FHOD3: variants seen among roughly 807,000 people sequenced by gnomAD.
The protein encoded by FHOD3 is FH1/FH2 domain-containing protein 3.
Under a neutral mutation model 173.0 loss-of-function variants are expected in FHOD3, and 90 were observed. The observed-to-expected ratio is 0.52, with a 90% CI of 0.44 to 0.62. FHOD3 has a LOEUF of 0.62. Among genes scored for constraint, FHOD3 ranks in the 20% least tolerant of loss-of-function variants. The pLI is 0.00. For synonymous variants in FHOD3, 828 were observed against 823.0 expected (o/e 1.01, Z -0.10); for missense variants, 1,945 against 2,034.7 (o/e 0.96, Z 0.85).
intron 6 of FHOD3, among the ~76,000 whole-genome samples, chr18:36,581,923 G>T (rs543463678): frequency 6.6e-6 from 1 of 152,326 alleles, no homozygotes; most frequent in African/African-American, 2.4e-5. Flanking sequence ...TATCACAGCT[G>T]TGAGGTGAGA....
At position 36,454,661 on chromosome 18, in the gene FHOD3, A is replaced by G. The variant is rs545792968; in HGVS notation, c.338-47271A>G. 1.3e-4 allele frequency among the ~76,000 whole-genome samples: 19 copies of G among 146,072 alleles called. 1 individual carries two copies. The South Asian group carries it at 4.2e-3, about 32-fold the overall frequency. On this transcript the variant is annotated intron_variant, in intron 3 of 28. Transcript: ENST00000590592. Reference sequence around the variant, plus strand: ...ATTCACTAGAAATTCTGTCCGTTCCATTTTTTTTTTTCTCATAGACGTTTA... The same window carrying G: ...ATTCACTAGAAATTCTGTCCGTTCCGTTTTTTTTTTTCTCATAGACGTTTA...
At chr18:36,621,980 T>C (rs2033746634) in intron 9 of FHOD3, among the ~76,000 whole-genome samples, 1 of 152,222 alleles carries the variant, frequency 6.6e-6, no homozygotes, top group Non-Finnish European at 1.5e-5. Flanking sequence ...ACATATGGTA[T>C]ATACAGGCAA....
At chr18:36,605,404 C>T (rs898126106) in intron 8 of FHOD3, among the ~76,000 whole-genome samples, 17 of 152,208 alleles carry the variant, frequency 1.1e-4, no homozygotes, top group African/African-American at 4.1e-4. Context: ...GTTTGGCATT[C>T]TGTGGCATTT....
intron 8 of FHOD3, among the ~76,000 whole-genome samples, chr18:36,610,777 C>T (rs2032594053): frequency 1.3e-5 from 2 of 152,180 alleles, no homozygotes; most frequent in African/African-American, 4.8e-5. Context: ...GGCAAGTTAT[C>T]ATGTTTAGAA....
intron 5 of FHOD3, among the ~76,000 whole-genome samples, chr18:36,513,960 C>T (rs1464403640): frequency 1.3e-5 from 2 of 151,322 alleles, no homozygotes; most frequent in East Asian, 3.9e-4. Context: ...AATAGATCCT[C>T]CATTACAAGT....
chr18:36,383,178 A>T (rs2047876029), intron 3 of FHOD3, among the ~76,000 whole-genome samples: 1 of 152,150 alleles, frequency 6.6e-6, no homozygotes, highest in Non-Finnish European at 1.5e-5. Context: ...CCTCCTGGGT[A>T]GGTGACTTGT....
rs1288417184 is a variant in FHOD3 at position 36,658,083 on chromosome 18, A to G, written c.1730A>G (p.Asn577Ser). The change falls in exon 14 of 29, where the codon AAT becomes AGT. Residue 577 changes from asparagine to serine, a missense_variant. Asn to Ser is a conservative substitution (Grantham distance 46). Coordinates refer to ENST00000590592, the MANE Select transcript of FHOD3 (RefSeq NM_001281740.3). The part of the protein sequence containing the change: ...FRSFSSNRYS[N>S]FGNNSYHSSR... ...ACCTCTGCACTTCTTAGATACAGCA[A>G]TTTTGGCAATAACTCTTATCACTCC... 3 of 1,607,546 alleles carry G rather than the reference A, an allele frequency of 1.9e-6. No homozygotes were observed. The South Asian group carries it at 3.3e-5, about 18-fold the overall frequency.
At chr18:36,343,907 G>C (rs2045755835) in intron 1 of FHOD3, among the ~76,000 whole-genome samples, 1 of 152,138 alleles carries the variant, frequency 6.6e-6, no homozygotes. Flanking sequence ...ATTAGTGGTT[G>C]TGAGGGGCTG....
At chr18:36,323,719 T>C (rs969179618) in intron 1 of FHOD3, among the ~76,000 whole-genome samples, 1 of 152,180 alleles carries the variant, frequency 6.6e-6, no homozygotes, top group African/African-American at 2.4e-5. Flanking sequence ...TAATCTCACC[T>C]CTTCTCCCCA....
At chr18:36,470,187 C>T (rs963594729) in intron 3 of FHOD3, among the ~76,000 whole-genome samples, 6 of 152,198 alleles carry the variant, frequency 3.9e-5, no homozygotes, top group African/African-American at 1.2e-4. Context: ...AGTCTGGAGG[C>T]CTCCGGGGGG....
intron 10 of FHOD3, among the ~76,000 whole-genome samples, chr18:36,630,791 A>T (rs1023740278): frequency 6.6e-6 from 1 of 152,240 alleles, no homozygotes; most frequent in Admixed American, 6.5e-5. Flanking sequence ...AAAAAGTTAC[A>T]TATAAGAATT....
chr18:36,679,995 G>C (rs904518594), intron 14 of FHOD3, among the ~76,000 whole-genome samples: 1 of 152,148 alleles, frequency 6.6e-6, no homozygotes, highest in Non-Finnish European at 1.5e-5. Context: ...TTGTTGATTA[G>C]GTTTGGCTGG....
chr18:36,378,005 C>G (rs550207841), intron 3 of FHOD3, among the ~76,000 whole-genome samples: 23 of 152,336 alleles, frequency 1.5e-4, no homozygotes, highest in African/African-American at 5.3e-4. Flanking sequence ...ATCATGGTGG[C>G]TAAGCTCACA....
chr18:36,747,489 T>A (rs1285002288), intron 24 of FHOD3, among the ~76,000 whole-genome samples: 2 of 152,334 alleles, frequency 1.3e-5, no homozygotes, highest in Middle Eastern at 3.4e-3. Context: ...AAGGCAGCTC[T>A]CTTTGTTAGA....
chr18:36,593,822 G>T (rs560367599), intron 6 of FHOD3, among the ~76,000 whole-genome samples: 2 of 152,178 alleles, frequency 1.3e-5, no homozygotes, highest in Non-Finnish European at 2.9e-5. Context: ...CCCTCAAAGC[G>T]CATTTTGCCC....
At chr18:36,389,530 C>A (rs914216634) in intron 3 of FHOD3, among the ~76,000 whole-genome samples, 1 of 152,178 alleles carries the variant, frequency 6.6e-6, no homozygotes. Flanking sequence ...GACTCAGTGC[C>A]AGTCCCGCAT....
intron 5 of FHOD3, among the ~76,000 whole-genome samples, chr18:36,564,753 G>A (rs1450662663): frequency 6.6e-6 from 1 of 152,068 alleles, no homozygotes; most frequent in Non-Finnish European, 1.5e-5. Flanking sequence ...CCTCCTTTGA[G>A]AGTTACTAAG....
intron 3 of FHOD3, among the ~76,000 whole-genome samples, chr18:36,423,865 A>G (rs757389450): frequency 6.6e-6 from 1 of 152,262 alleles, no homozygotes. Context: ...TTTCACGGCA[A>G]TCATCACCTT....
intron 27 of FHOD3, among the ~76,000 whole-genome samples, chr18:36,761,143 C>G (rs879664885): frequency 1.3e-5 from 2 of 152,156 alleles, no homozygotes; most frequent in Non-Finnish European, 2.9e-5. Context: ...TGTGTAGTGT[C>G]TGTGGCTACT....
Sources: gnomAD v4.1 joint callset for allele counts (sites outside exome capture counted in the v4.1 genomes callset) on GRCh38, gnomAD v4.1.1 for gene constraint, MANE v1.5 for transcripts, NCBI Gene and HGNC (gene_info 2026-07-23, HGNC 2026-07-21) for gene names.